Variants in ANXA1 observed in about 807,000 individuals in gnomAD.
The protein encoded by ANXA1 is annexin I (lipocortin I).
In ANXA1, 39 loss-of-function variants were observed where a neutral mutation model predicts 47.9. That is an observed-to-expected ratio of 0.81 (90% CI 0.63 to 1.06). ANXA1 has a LOEUF of 1.06. Among genes scored for constraint, ANXA1 ranks in the 50% least tolerant of loss-of-function variants. ANXA1 has a pLI of 0.00. For missense variants in ANXA1, 446 were observed against 422.7 expected (o/e 1.06, Z -0.48); for synonymous variants, 146 against 142.5 (o/e 1.02, Z -0.17).
In ANXA1 at chr9:73,151,897, AGTT is replaced by A. The variant is rs1823979501; in HGVS notation, c.-41_-39del. 6.6e-6 allele frequency: 1 copy of A among 152,120 alleles called. No individual in the cohort carries two copies. The highest frequency in any genetic ancestry group is 6.5e-5 in the Admixed American group (1 of 15,276). 9.4% of individuals were successfully genotyped at this position (152,120 alleles called of 1,614,324 possible). ...AATCTTCAGAGAAGAATTTCTCTTT[AGTT>A]CTTTGCAAGAAGGTAGAGATAAAGG... is the stretch of plus-strand genomic sequence containing the variant. On this transcript the variant is annotated 5_prime_UTR_variant, in exon 1 of 13. Coordinates refer to ENST00000257497, the MANE Select transcript of ANXA1 (RefSeq NM_000700.3).
rs1391838290 is a variant in ANXA1 at position 73,170,117 on chromosome 9, T to C, written c.*10T>C. On this transcript the variant is annotated 3_prime_UTR_variant, in exon 13 of 13. Transcript: ENST00000257497. ...TTGTGGAGGAAACTAAACATTCCCT[T>C]GATGGTCTCAAGCTATGATCAGAAG... 1 of 1,601,946 alleles carries C rather than the reference T, an allele frequency of 6.2e-7. No homozygotes were observed. The highest frequency in any genetic ancestry group is 8.5e-7 in the Non-Finnish European group (1 of 1,172,916).
intron 12 of ANXA1, among the ~76,000 whole-genome samples, chr9:73,169,621 A>G (rs981836403): frequency 2.0e-5 from 3 of 152,296 alleles, no homozygotes; most frequent in Middle Eastern, 3.4e-3. Context: ...TGAAAGGTAG[A>G]TAACGATTCA....
chr9:73,159,449 A>G, intron 4 of ANXA1, 26 bp downstream of exon 4: 1 of 1,588,448 alleles, frequency 6.3e-7, no homozygotes, highest in Non-Finnish European at 8.6e-7. Flanking sequence ...AAATTTAGAT[A>G]TTTAATTTCA....
intron 9 of ANXA1, 106 bp from the exon 10 acceptor site, chr9:73,165,991 A>C: frequency 4.2e-6 from 3 of 721,040 alleles, no homozygotes; most frequent in Non-Finnish European, 6.8e-6. Context: ...GGTGTAGCCA[A>C]AGTTGTTATT....
intron 11 of ANXA1, 53 bp from the exon 12 acceptor site, chr9:73,168,979 T>A: frequency 6.5e-7 from 1 of 1,549,458 alleles, no homozygotes; most frequent in Non-Finnish European, 8.7e-7. Context: ...TTCATGTTTT[T>A]AATGAGAGTA....
chr9:73,170,222 C>A lies in ANXA1; in HGVS notation c.*115C>A. On this transcript the variant is annotated 3_prime_UTR_variant, in exon 13 of 13. Coordinates refer to ENST00000257497, the MANE Select transcript of ANXA1 (RefSeq NM_000700.3). ...GGATTACAGTGTAGCTACCTACATG[C>A]TGAAAAATATAGCCTTTAAATCATT... 1 of 703,570 alleles carries A rather than the reference C, an allele frequency of 1.4e-6. No individual in the cohort carries two copies. Among genetic ancestry groups the A allele is most frequent in the Admixed American group, 3.0e-5 (1 of 32,822 alleles). 43.6% of individuals were successfully genotyped at this position (703,570 alleles called of 1,614,324 possible). A position where few individuals can be genotyped will look rare whatever the true frequency, so the allele number is the denominator to read the frequency against.
chr9:73,159,471 C>T, intron 4 of ANXA1, 48 bp downstream of exon 4: 5 of 1,515,846 alleles, frequency 3.3e-6, no homozygotes, highest in Non-Finnish European at 4.6e-6. Flanking sequence ...CATAGTTATA[C>T]TTAACCATGG....
Position 73,162,798 on chromosome 9 carries a change from G to T in ANXA1, c.492G>T (p.Leu164=), listed in dbSNP as rs1312483697. The part of the protein sequence containing the change: ...RVYREELKRD[L]AKDITSDTSG... ...TTTTCTCAGAACTGAAGAGAGATCT[G>T]GCCAAAGACATAACCTCAGACACAT... Residue 164 remains leucine, a synonymous_variant, in exon 7 of 13, where the codon CTG becomes CTT. Coordinates refer to ENST00000257497, the MANE Select transcript of ANXA1 (RefSeq NM_000700.3). 1 of 1,612,770 alleles carries T rather than the reference G, an allele frequency of 6.2e-7. No individual in the cohort carries two copies.
At chr9:73,166,292 A>G in intron 10 of ANXA1, 100 bp downstream of exon 10, 2 of 804,400 alleles carry the variant, frequency 2.5e-6, no homozygotes, top group Non-Finnish European at 3.9e-6. Flanking sequence ...CCAATAAAAG[A>G]AAACAAAAAA....
chr9:73,159,515 T>C, intron 4 of ANXA1, 92 bp downstream of exon 4: 1 of 1,035,342 alleles, frequency 9.7e-7, no homozygotes, highest in African/African-American at 1.6e-5. Context: ...TCTTTAAGGT[T>C]CTAACCACTG....
At chr9:73,154,496 T>C (rs1824017689) in intron 1 of ANXA1, among the ~76,000 whole-genome samples, 1 of 152,100 alleles carries the variant, frequency 6.6e-6, no homozygotes, top group African/African-American at 2.4e-5. Flanking sequence ...AGTGTAGTGG[T>C]ACAATCTCGG....
At chr9:73,156,167 A>T (rs1379095001) in intron 1 of ANXA1, among the ~76,000 whole-genome samples, 4 of 140,366 alleles carry the variant, frequency 2.8e-5, no homozygotes, top group Non-Finnish European at 6.1e-5. Context: ...ATAAATAAAT[A>T]AATAAAATAA....
chr9:73,166,282 C>T (rs754903875), intron 10 of ANXA1, 90 bp downstream of exon 10: 32 of 910,182 alleles, frequency 3.5e-5, no homozygotes, highest in Non-Finnish European at 5.1e-5. Context: ...AGCAACAAAA[C>T]CAATAAAAGA....
chr9:73,159,235 G>T (rs137966816), intron 3 of ANXA1, 94 bp from the exon 4 acceptor site: 1 of 998,848 alleles, frequency 1.0e-6, no homozygotes, highest in Non-Finnish European at 1.6e-6. Context: ...AATTTGTTAA[G>T]AAGTTCTTTT....
chr9:73,161,998 C>T (rs1268800044), intron 6 of ANXA1, among the ~76,000 whole-genome samples: 2 of 152,120 alleles, frequency 1.3e-5, no homozygotes, highest in African/African-American at 4.8e-5. Flanking sequence ...ATGAGGGCCT[C>T]ATACTACTTC....
Position 73,160,349 on chromosome 9 carries a change from T to C in ANXA1, c.357T>C (p.Asp119=). ...LALLKTPAQF[D]ADELRAAMKG... ...TGCTAAAAACTCCAGCGCAATTTGA[T>C]GCTGATGAACTTCGTGCTGCCATGA... is the stretch of plus-strand genomic sequence containing the variant. Residue 119 remains aspartate (D), a synonymous_variant, in exon 5 of 13, where the codon GAT becomes GAC. Coordinates refer to ENST00000257497, the MANE Select transcript of ANXA1 (RefSeq NM_000700.3). The C allele has an allele frequency of 6.3e-7, 1 of 1,586,066 alleles. No individual in the cohort carries two copies. Among genetic ancestry groups the C allele is most frequent in the Non-Finnish European group, 8.5e-7 (1 of 1,171,686 alleles).
chr9:73,155,877 T>C (rs1824037743), intron 1 of ANXA1, among the ~76,000 whole-genome samples: 1 of 151,852 alleles, frequency 6.6e-6, no homozygotes, highest in African/African-American at 2.4e-5. Context: ...ATTTTTGTTA[T>C]CTTGTGTTAT....
intron 3 of ANXA1, 70 bp downstream of exon 3, chr9:73,158,873 A>C: frequency 1.6e-6 from 2 of 1,217,426 alleles, no homozygotes; most frequent in South Asian, 1.3e-5. Context: ...CTGTCAAAAA[A>C]CAGACATGTG....
In ANXA1 at chr9:73,160,898, G is replaced by T. The variant is rs776309851; in HGVS notation, c.475+5G>T. The stretch of plus-strand genomic sequence containing the variant: ...TTAACAGGGTCTACAGAGAGGGTAA[G>T]TTGTAATGTCCAACAGTCCAAACGC... On this transcript the variant is annotated splice_donor_5th_base_variant and intron_variant, in intron 6 of 12. Transcript: ENST00000257497. 5 of 1,590,038 alleles carry T rather than the reference G, an allele frequency of 3.1e-6. No homozygotes were observed. In the South Asian group the frequency reaches 5.6e-5, roughly 18 times the overall value.
Sources: gnomAD v4.1 joint callset for allele counts (sites outside exome capture counted in the v4.1 genomes callset) on GRCh38, gnomAD v4.1.1 for gene constraint, MANE v1.5 for transcripts, NCBI Gene and HGNC (gene_info 2026-07-23, HGNC 2026-07-21) for gene names.